Variants in CHIC2 observed in about 807,000 individuals in gnomAD.
CHIC2 encodes the protein cysteine-rich hydrophobic domain-containing protein 2.
CHIC2 carries 14 observed loss-of-function variants against 25.9 expected under a neutral mutation model. That is an observed-to-expected ratio of 0.54 (90% CI 0.36 to 0.85). The LOEUF (loss-of-function observed/expected upper bound fraction) is 0.85. CHIC2 is among the 40% of genes least tolerant of loss of function. The probability of loss-of-function intolerance (pLI) is 0.01; values close to 1 mark genes in which losing one functional copy is unlikely to be tolerated. For synonymous variants in CHIC2, 70 were observed against 72.0 expected (o/e 0.97, Z 0.14); for missense variants, 146 against 202.0 (o/e 0.72, Z 1.68).
intron 5 of CHIC2, among the ~76,000 whole-genome samples, chr4:54,011,547 TTAAA>T (rs1715589219): frequency 1.3e-5 from 2 of 152,158 alleles, no homozygotes; most frequent in Non-Finnish European, 2.9e-5. Context: ...GGAGTCAACA[TTAAA>T]TAAATAATTT....
At chr4:54,016,183 T>A (rs973330982) in intron 3 of CHIC2, among the ~76,000 whole-genome samples, 1 of 152,142 alleles carries the variant, frequency 6.6e-6, no homozygotes. Context: ...TATATTAATG[T>A]ATAAAATAGT....
chr4:54,028,751 C>CT (rs2110069343), intron 3 of CHIC2, among the ~76,000 whole-genome samples: 1 of 152,250 alleles, frequency 6.6e-6, no homozygotes, highest in Non-Finnish European at 1.5e-5. Context: ...TCAAGTTAAA[C>CT]ATCAGGAATT....
At chr4:54,049,516 T>C (rs906820660) in intron 1 of CHIC2, among the ~76,000 whole-genome samples, 8 of 152,182 alleles carry the variant, frequency 5.3e-5, no homozygotes, top group African/African-American at 1.9e-4. Context: ...TTTTGCATAA[T>C]GATAAGGGGC....
intron 3 of CHIC2, 146 bp downstream of exon 3, chr4:54,048,809 C>G (rs1716910890): frequency 1.7e-6 from 1 of 601,954 alleles, no homozygotes; most frequent in African/African-American, 1.9e-5. Context: ...AGTAACTTTA[C>G]TGACTCACTC....
At chr4:54,036,476 G>C (rs1005834011) in intron 3 of CHIC2, among the ~76,000 whole-genome samples, 1 of 152,106 alleles carries the variant, frequency 6.6e-6, no homozygotes, top group Non-Finnish European at 1.5e-5. Flanking sequence ...AGGAGCAACG[G>C]GGTTGGGGGA....
chr4:54,071,033 A>G, the CHIC2 span, among the ~76,000 whole-genome samples: 1 of 152,206 alleles, frequency 6.6e-6, no homozygotes, highest in Admixed American at 6.5e-5. Flanking sequence ...ATGTATGTGC[A>G]ATACAACTAT....
chr4:54,014,079 T>C lies in CHIC2; in HGVS notation c.371A>G (p.Asn124Ser). 2.5e-6 allele frequency: 4 copies of C among 1,613,438 alleles called. No homozygotes were observed. The highest frequency in any genetic ancestry group is 1.1e-5 in the South Asian group (1 of 91,056). The change falls in exon 4 of 6, where the codon AAT (asparagine) becomes AGT (serine). Residue 124 changes from asparagine to serine, a missense_variant. Transcript: ENST00000263921. ...SIEKLLEWEN[N>S]RLYHKLCLHW... The stretch of plus-strand genomic sequence containing the variant: ...GGTACTCACCTTGTGGTATAACCTA[T>C]TGTTTTCCCATTCTAATAACTTCTC...
At chr4:54,045,194 A>G (rs1238218941) in intron 3 of CHIC2, among the ~76,000 whole-genome samples, 1 of 152,220 alleles carries the variant, frequency 6.6e-6, no homozygotes, top group Non-Finnish European at 1.5e-5. Flanking sequence ...GACCAGATGG[A>G]TTCACAGCCG....
At chr4:54,045,195 T>G (rs1443513534) in intron 3 of CHIC2, among the ~76,000 whole-genome samples, 1 of 152,172 alleles carries the variant, frequency 6.6e-6, no homozygotes, top group African/African-American at 2.4e-5. Flanking sequence ...ACCAGATGGA[T>G]TCACAGCCGA....
the CHIC2 span, among the ~76,000 whole-genome samples, chr4:54,083,006 TTTTC>T: frequency 4.1e-5 from 6 of 146,946 alleles, no homozygotes; most frequent in African/African-American, 1.3e-4. Flanking sequence ...TCACTTTCTT[TTTTC>T]TTTCTTTCTT....
intron 5 of CHIC2, among the ~76,000 whole-genome samples, chr4:54,013,432 T>G (rs2110058355): frequency 6.6e-6 from 1 of 152,258 alleles, no homozygotes; most frequent in South Asian, 2.1e-4. Flanking sequence ...TAAAGGTTTC[T>G]TAAGCTCCAA....
intron 1 of CHIC2, among the ~76,000 whole-genome samples, chr4:54,063,592 T>A (rs779851510): frequency 1.3e-5 from 2 of 152,258 alleles, no homozygotes; most frequent in African/African-American, 4.8e-5. Flanking sequence ...TTGTTGTTGT[T>A]GTAAACATAT....
At chr4:54,016,974 C>T (rs1185921408) in intron 3 of CHIC2, among the ~76,000 whole-genome samples, 1 of 151,256 alleles carries the variant, frequency 6.6e-6, no homozygotes, top group South Asian at 2.1e-4. Flanking sequence ...TTAAGAAAAT[C>T]AAAATATATT....
At chr4:54,047,344 G>A (rs1357614052) in intron 3 of CHIC2, among the ~76,000 whole-genome samples, 1 of 152,090 alleles carries the variant, frequency 6.6e-6, no homozygotes, top group Non-Finnish European at 1.5e-5. Flanking sequence ...AAAGACACAT[G>A]CACACGTATG....
chr4:54,079,751 T>C, the CHIC2 span, among the ~76,000 whole-genome samples: 1 of 151,950 alleles, frequency 6.6e-6, no homozygotes, highest in Non-Finnish European at 1.5e-5. Context: ...CAATTATTAA[T>C]ATTTTCATCC....
At chr4:54,066,693 A>AT (rs2110099154), upstream of CHIC2, among the ~76,000 whole-genome samples, 1 of 150,134 alleles carries the variant, frequency 6.7e-6, no homozygotes, top group Admixed American at 6.7e-5. Context: ...TGGCACCATC[A>AT]TAGCTCACTG....
chr4:54,056,181 T>C (rs1717168060), intron 1 of CHIC2, among the ~76,000 whole-genome samples: 1 of 152,182 alleles, frequency 6.6e-6, no homozygotes, highest in Admixed American at 6.6e-5. Context: ...AGATTAAATA[T>C]GTTGTTAAGC....
the CHIC2 span, among the ~76,000 whole-genome samples, chr4:54,078,240 A>G: frequency 6.6e-6 from 1 of 152,202 alleles, no homozygotes; most frequent in African/African-American, 2.4e-5. Context: ...TCAAAGGGTC[A>G]GATGTTGCTT....
intron 3 of CHIC2, among the ~76,000 whole-genome samples, chr4:54,018,253 C>T (rs951894675): frequency 6.6e-6 from 1 of 152,120 alleles, no homozygotes; most frequent in African/African-American, 2.4e-5. Flanking sequence ...CAGCAAAGCA[C>T]ACATACACCT....
Sources: gnomAD v4.1 joint callset for allele counts (sites outside exome capture counted in the v4.1 genomes callset) on GRCh38, gnomAD v4.1.1 for gene constraint, MANE v1.5 for transcripts, NCBI Gene and HGNC (gene_info 2026-07-23, HGNC 2026-07-21) for gene names.